The following MYPN variants were observed in gnomAD, a reference collection of about 807,000 sequenced individuals.
MYPN encodes myopalladin, also known as sarcomeric protein myopalladin, 145 kDa (MYOP).
In MYPN, 63 loss-of-function variants were observed where a neutral mutation model predicts 129.4. The observed-to-expected ratio is 0.49, with a 90% CI of 0.40 to 0.60. The LOEUF is 0.60. MYPN is among the 20% of genes least tolerant of loss of function. The probability of loss-of-function intolerance (pLI) is 0.00; values close to 1 mark genes in which losing one functional copy is unlikely to be tolerated. For missense variants in MYPN, 1,596 were observed against 1,635.4 expected (o/e 0.98, Z 0.42); for synonymous variants, 629 against 600.9 (o/e 1.05, Z -0.68).
chr10:68,182,463 A>C (rs1425880559), intron 12 of MYPN, among the ~76,000 whole-genome samples: 2 of 81,950 alleles, frequency 2.4e-5, no homozygotes, highest in Admixed American at 1.4e-4. Flanking sequence ...ATATATATAT[A>C]ACATATATAC....
intron 2 of MYPN, chr10:68,136,496 A>T: frequency 7.7e-7 from 1 of 1,296,370 alleles, no homozygotes; most frequent in Non-Finnish European, 1.0e-6. Flanking sequence ...TCAGCATAGC[A>T]GGGTAAATTT....
rs982401046 is a variant in MYPN, at chr10:68,112,755, A to AT, written c.-2+3033dup. Among the ~76,000 whole-genome samples, 37 of 152,360 alleles carry AT rather than the reference A, an allele frequency of 2.4e-4. 2 individuals carry two copies. Among genetic ancestry groups the AT allele is most frequent in the Admixed American group, 2.4e-3 (36 of 15,314 alleles). ...AGTTCTTACTCTGGTAATGCAGTAT[A>AT]TACTAATTTATTAAATTACTAATGC... On this transcript the variant is annotated intron_variant, in intron 1 of 19. Coordinates refer to ENST00000358913, the MANE Select transcript of MYPN (RefSeq NM_032578.4).
intron 1 of MYPN, among the ~76,000 whole-genome samples, chr10:68,094,061 A>G (rs1233202841): frequency 6.6e-6 from 1 of 152,024 alleles, no homozygotes; most frequent in Non-Finnish European, 1.5e-5. Flanking sequence ...AGAAGTGAGG[A>G]CAACCAAAGG....
intron 6 of MYPN, 32 bp downstream of exon 6, chr10:68,150,143 C>T (rs745463719): frequency 2.6e-6 from 4 of 1,541,152 alleles, no homozygotes; most frequent in East Asian, 4.5e-5. Context: ...TCTGTCATGG[C>T]TTTAAAGATA....
Position 68,184,992 on chromosome 10 carries a change from G to A in MYPN, c.2704-3913G>A, listed in dbSNP as rs141477108. Among the ~76,000 whole-genome samples, 687 of 152,208 alleles carry A rather than the reference G, an allele frequency of 4.5e-3. 4 individuals carry two copies. Among genetic ancestry groups the A allele is most frequent in the African/African-American group, 0.016 (654 of 41,532 alleles). On this transcript the variant is annotated intron_variant, in intron 12 of 19. Transcript: ENST00000358913. The stretch of plus-strand genomic sequence containing the variant: ...CCTGTTAACCATTTAAGGGTGGATG[G>A]CTATAACTTGGTGATGATGGAAACT...
At chr10:68,203,583 T>C (rs2043755074) in intron 18 of MYPN, among the ~76,000 whole-genome samples, 1 of 151,838 alleles carries the variant, frequency 6.6e-6, no homozygotes, top group African/African-American at 2.4e-5. Context: ...CAAAACCCAG[T>C]CTCAAAAGAA....
In MYPN at chr10:68,143,064, G is replaced by T. The variant is rs2042602300; in HGVS notation, c.1027G>T (p.Ala343Ser). 1.9e-6 allele frequency: 3 copies of T among 1,614,144 alleles called. No homozygotes were observed. The highest frequency in any genetic ancestry group is 2.5e-6 in the Non-Finnish European group (3 of 1,180,014). Residue 343 changes from alanine to serine, a missense_variant, in exon 3 of 20, where the codon GCT becomes TCT. Transcript: ENST00000358913. Reference sequence around the variant, plus strand: ...GGACACAGGACGCTATTCCTGCTTTGCTTCTAACATCTATGGGACAGATTC... The same window carrying T: ...GGACACAGGACGCTATTCCTGCTTTTCTTCTAACATCTATGGGACAGATTC... ...EEDTGRYSCFASNIYGTDSTS... is the reference protein window; with the variant it reads ...EEDTGRYSCFSSNIYGTDSTS...
chr10:68,131,267 C>T (rs1196023106), intron 2 of MYPN, among the ~76,000 whole-genome samples: 1 of 151,634 alleles, frequency 6.6e-6, no homozygotes, highest in Non-Finnish European at 1.5e-5. Flanking sequence ...CGGGCACCTG[C>T]AGTCTCAGTT....
rs1414191548 is a variant in MYPN at position 68,194,493 on chromosome 10, T to A, written c.3056T>A (p.Ile1019Asn). The change falls in exon 14 of 20, where the codon ATC becomes AAC. Residue 1019 changes from isoleucine (I) to asparagine (N), a missense_variant. Coordinates refer to ENST00000358913, the MANE Select transcript of MYPN (RefSeq NM_032578.4). ...TTSDDDGNYT[I>N]MAANPQGRIS... ...AGTGATGACGATGGCAACTACACCATCATGGCAGCCAACCCCCAGGTGGAG... is the reference window on the plus strand; with the variant it reads ...AGTGATGACGATGGCAACTACACCAACATGGCAGCCAACCCCCAGGTGGAG... 1.2e-6 allele frequency: 2 copies of A among 1,613,670 alleles called. No individual in the cohort carries two copies. Among genetic ancestry groups the A allele is most frequent in the Non-Finnish European group, 1.7e-6 (2 of 1,179,836 alleles).
intron 4 of MYPN, 45 bp downstream of exon 4, chr10:68,145,571 A>G: frequency 6.7e-7 from 1 of 1,495,162 alleles, no homozygotes; most frequent in Non-Finnish European, 9.3e-7. Context: ...CCTCAGATCA[A>G]TTAATAGCTC....
chr10:68,174,898 G>A (rs2043203186), intron 11 of MYPN, among the ~76,000 whole-genome samples: 1 of 152,110 alleles, frequency 6.6e-6, no homozygotes, highest in African/African-American at 2.4e-5. Flanking sequence ...ACTTTGGGAG[G>A]CCGAGGAAGG....
chr10:68,178,890 A>G (rs898346154), intron 12 of MYPN, among the ~76,000 whole-genome samples: 1 of 151,246 alleles, frequency 6.6e-6, no homozygotes, highest in African/African-American at 2.4e-5. Flanking sequence ...CCCCCAGCTA[A>G]TGTCTTATTC....
At chr10:68,168,489 CA>C (rs1390200891) in intron 10 of MYPN, among the ~76,000 whole-genome samples, 1 of 152,156 alleles carries the variant, frequency 6.6e-6, no homozygotes, top group Non-Finnish European at 1.5e-5. Context: ...CAGGGAAATA[CA>C]GTCTCCAGAG....
intron 1 of MYPN, among the ~76,000 whole-genome samples, chr10:68,112,287 G>T (rs2042092507): frequency 6.6e-6 from 1 of 152,026 alleles, no homozygotes; most frequent in Non-Finnish European, 1.5e-5. Flanking sequence ...AGATTAAATA[G>T]TACCTTTGAG....
intron 13 of MYPN, among the ~76,000 whole-genome samples, chr10:68,193,001 T>G (rs1052122706): frequency 2.0e-5 from 3 of 152,166 alleles, no homozygotes; most frequent in African/African-American, 7.2e-5. Flanking sequence ...CTTTTGCATT[T>G]TTTTAGTCTC....
intron 2 of MYPN, among the ~76,000 whole-genome samples, chr10:68,126,272 A>T (rs552942571): frequency 1.8e-4 from 27 of 152,324 alleles, no homozygotes; most frequent in African/African-American, 6.5e-4. Flanking sequence ...CGCTCTAATT[A>T]TAATAATATT....
chr10:68,137,538 C>T (rs539775930), intron 2 of MYPN, among the ~76,000 whole-genome samples: 4 of 152,140 alleles, frequency 2.6e-5, no homozygotes, highest in South Asian at 2.1e-4. Flanking sequence ...GATAATATCA[C>T]GCATTGGTCA....
intron 2 of MYPN, among the ~76,000 whole-genome samples, chr10:68,123,522 A>T (rs1310847395): frequency 1.6e-5 from 2 of 125,126 alleles, no homozygotes; most frequent in African/African-American, 8.4e-5. Flanking sequence ...TAAAAATACA[A>T]AAAAAAAAAA....
chr10:68,211,982 T>C lies in MYPN; in HGVS notation c.*1527T>C, dbSNP rs1056711128. The stretch of plus-strand genomic sequence containing the variant: ...AACTGTCTTCACTTCAAGGCAAGGA[T>C]TTCCAGCATAAAAATAAATTCATTC... On this transcript the variant is annotated 3_prime_UTR_variant, in exon 20 of 20. Transcript: ENST00000358913. 5.6e-6 allele frequency: 2 copies of C among 358,624 alleles called. No homozygotes were observed. Among genetic ancestry groups the C allele is most frequent in the Non-Finnish European group, 1.1e-5 (2 of 182,616 alleles). The allele number at this position is 358,624 out of a possible 1,614,324, so 22.2% of individuals were successfully genotyped here.
Sources: allele counts gnomAD v4.1 joint callset (sites outside exome capture counted in the v4.1 genomes callset), GRCh38; gene constraint gnomAD v4.1.1; transcripts MANE v1.5; gene names NCBI Gene and HGNC (gene_info 2026-07-23, HGNC 2026-07-21).